SLC24A3: variants seen among roughly 807,000 people sequenced by gnomAD.
The protein encoded by SLC24A3 is sodium/potassium/calcium exchanger 3.
A neutral mutation model predicts 75.8 loss-of-function variants in SLC24A3; 28 were observed. That is an observed-to-expected ratio of 0.37 (90% confidence interval 0.27 to 0.51). The LOEUF is 0.51. Among genes scored for constraint, SLC24A3 ranks in the 20% least tolerant of loss-of-function variants. The pLI, the probability that SLC24A3 is intolerant of heterozygous loss-of-function variation, is 0.94. For missense variants in SLC24A3, 663 were observed against 847.8 expected, an observed-to-expected ratio of 0.78 and a Z score of 2.71; for synonymous variants, 372 against 334.1, an observed-to-expected ratio of 1.11 and a Z score of -1.24.
At chr20:19,642,541 C>G (rs532737292) in intron 6 of SLC24A3, among the ~76,000 whole-genome samples, 1 of 152,322 alleles carries the variant, frequency 6.6e-6, no homozygotes, top group South Asian at 2.1e-4. Flanking sequence ...GGAGGTGAGG[C>G]TGCACATGGA....
chr20:19,543,043 C>A (rs1347046296), intron 3 of SLC24A3, among the ~76,000 whole-genome samples: 1 of 152,176 alleles, frequency 6.6e-6, no homozygotes. Flanking sequence ...GCCTGAGACA[C>A]AGTAAGTGCT....
chr20:19,307,773 A>C (rs1984365895), intron 2 of SLC24A3, among the ~76,000 whole-genome samples: 1 of 152,204 alleles, frequency 6.6e-6, no homozygotes, highest in Non-Finnish European at 1.5e-5. Flanking sequence ...GTAAAATAAA[A>C]ATAAAAATAA....
intron 2 of SLC24A3, among the ~76,000 whole-genome samples, chr20:19,421,881 C>A (rs545293497): frequency 6.6e-6 from 1 of 152,172 alleles, no homozygotes; most frequent in African/African-American, 2.4e-5. Context: ...GTGGCACAGG[C>A]TGGTTAGAGT....
chr20:19,509,903 C>A (rs1207248965), intron 2 of SLC24A3, among the ~76,000 whole-genome samples: 1 of 152,220 alleles, frequency 6.6e-6, no homozygotes, highest in Admixed American at 6.5e-5. Context: ...TGGCATTGAG[C>A]CCCACATTTC....
chr20:19,413,348 A>G (rs145208333), intron 2 of SLC24A3, among the ~76,000 whole-genome samples: 1 of 152,372 alleles, frequency 6.6e-6, no homozygotes, highest in East Asian at 1.9e-4. Context: ...TAAATAAATC[A>G]ATGGTACCAG....
chr20:19,656,924 G>A (rs961144037), intron 7 of SLC24A3, among the ~76,000 whole-genome samples: 17 of 152,242 alleles, frequency 1.1e-4, no homozygotes, highest in African/African-American at 3.9e-4. Flanking sequence ...TTAATGACGT[G>A]TGAATAAGTA....
At chr20:19,359,137 G>A (rs6035306) in intron 2 of SLC24A3, among the ~76,000 whole-genome samples, 1 of 151,918 alleles carries the variant, frequency 6.6e-6, no homozygotes, top group African/African-American at 2.4e-5. Context: ...TATATTCCCA[G>A]GAGTGGAACT....
chr20:19,695,927 A>G (rs1568701319), intron 13 of SLC24A3, among the ~76,000 whole-genome samples: 1 of 151,850 alleles, frequency 6.6e-6, no homozygotes, highest in Non-Finnish European at 1.5e-5. Context: ...AGTGAAGAAG[A>G]TGTTGACAAG....
At chr20:19,505,441 A>G (rs1232579382) in intron 2 of SLC24A3, among the ~76,000 whole-genome samples, 1 of 152,232 alleles carries the variant, frequency 6.6e-6, no homozygotes, top group Non-Finnish European at 1.5e-5. Context: ...GGAAAAGTGC[A>G]AAATTCCTAA....
intron 1 of SLC24A3, among the ~76,000 whole-genome samples, chr20:19,231,969 T>A (rs1160290441): frequency 2.0e-5 from 3 of 152,256 alleles, no homozygotes; most frequent in Admixed American, 1.3e-4. Flanking sequence ...AAACTTGGTT[T>A]GGTGCATTCA....
chr20:19,605,669 AC>A (rs1451134428), intron 6 of SLC24A3, among the ~76,000 whole-genome samples: 1 of 152,174 alleles, frequency 6.6e-6, no homozygotes, highest in Non-Finnish European at 1.5e-5. Context: ...CTGTTTAGTG[AC>A]CTGATTTTTC....
chr20:19,325,793 T>TAGAG (rs1224595512), intron 2 of SLC24A3, among the ~76,000 whole-genome samples: 320 of 82,754 alleles, frequency 3.9e-3, no homozygotes, highest in Middle Eastern at 6.3e-3. Context: ...TATATATATA[T>TAGAG]ATAGAGAGAG....
At chr20:19,289,182 C>T (rs1163942966) in intron 2 of SLC24A3, among the ~76,000 whole-genome samples, 2 of 152,142 alleles carry the variant, frequency 1.3e-5, no homozygotes, top group African/African-American at 4.8e-5. Flanking sequence ...CTCTCCCCTC[C>T]TCCTGCCCCC....
chr20:19,443,381 G>C (rs866620096), intron 2 of SLC24A3, among the ~76,000 whole-genome samples: 2 of 145,804 alleles, frequency 1.4e-5, no homozygotes, highest in South Asian at 4.2e-4. Context: ...TTTTTATACA[G>C]ATCTTATACA....
chr20:19,672,168 G>A (rs2032476782), intron 8 of SLC24A3, among the ~76,000 whole-genome samples: 1 of 152,142 alleles, frequency 6.6e-6, no homozygotes, highest in South Asian at 2.1e-4. Context: ...TTTGCCAACT[G>A]AATGAGAGGC....
intron 1 of SLC24A3, among the ~76,000 whole-genome samples, chr20:19,277,466 C>T (rs1388462245): frequency 6.6e-6 from 1 of 152,222 alleles, no homozygotes; most frequent in Non-Finnish European, 1.5e-5. Flanking sequence ...CTAGAACCAA[C>T]TGCCTCTTCC....
intron 2 of SLC24A3, among the ~76,000 whole-genome samples, chr20:19,443,524 A>G (rs920733709): frequency 1.3e-5 from 2 of 152,192 alleles, no homozygotes; most frequent in East Asian, 3.8e-4. Context: ...TTAACCTTGT[A>G]TCCTACAACC....
intron 5 of SLC24A3, 38 bp downstream of exon 5, chr20:19,585,093 G>A (rs2122637522): frequency 6.4e-7 from 1 of 1,562,798 alleles, no homozygotes; most frequent in Non-Finnish European, 8.8e-7. Context: ...GACCTTCACT[G>A]TCTGAAGGAA....
chr20:19,601,299 G>A (rs2031524051), intron 6 of SLC24A3, among the ~76,000 whole-genome samples: 1 of 152,284 alleles, frequency 6.6e-6, no homozygotes, highest in African/African-American at 2.4e-5. Flanking sequence ...AGAAGCTCCA[G>A]GTCTATTTTC....
Sources: allele counts gnomAD v4.1 joint callset (sites outside exome capture counted in the v4.1 genomes callset), GRCh38; gene constraint gnomAD v4.1.1; transcripts MANE v1.5; gene names NCBI Gene and HGNC (gene_info 2026-07-23, HGNC 2026-07-21).